Variants in TPO observed in about 807,000 individuals in gnomAD.
The protein encoded by TPO is thyroid microsomal antigen.
Under a neutral mutation model 96.9 loss-of-function variants are expected in TPO, and 78 were observed. The observed-to-expected ratio is 0.81, with a 90% confidence interval of 0.67 to 0.97. The LOEUF (loss-of-function observed/expected upper bound fraction) is 0.97, where lower values mean the gene tolerates loss of function less well. Among genes scored for constraint, TPO ranks in the 50% least tolerant of loss-of-function variants. The pLI is 0.00. For missense variants in TPO, 1,252 were observed against 1,274.8 expected, an observed-to-expected ratio of 0.98 and a Z score of 0.27; for synonymous variants, 547 against 538.0, an observed-to-expected ratio of 1.02 and a Z score of -0.23.
chr2:1,531,911 A>C (rs1205017179), intron 15 of TPO, among the ~76,000 whole-genome samples: 1 of 101,752 alleles, frequency 9.8e-6, no homozygotes. Context: ...AACCTCCTCA[A>C]ATCACCCCCA....
At chr2:1,514,642 T>C (rs1674498119) in intron 14 of TPO, among the ~76,000 whole-genome samples, 1 of 152,112 alleles carries the variant, frequency 6.6e-6, no homozygotes, top group Non-Finnish European at 1.5e-5. Flanking sequence ...GCCGTGACCT[T>C]TGTGATGCCC....
chr2:1,514,841 C>T (rs970409001), intron 14 of TPO, among the ~76,000 whole-genome samples: 8 of 152,202 alleles, frequency 5.3e-5, no homozygotes, highest in Admixed American at 2.0e-4. Flanking sequence ...TGCCCAGGCT[C>T]GTTTCACACT....
In TPO at chr2:1,477,500, C is replaced by G; in HGVS notation, c.1234C>G (p.Arg412Gly). 1 of 1,531,658 alleles carries G rather than the reference C, an allele frequency of 6.5e-7. No individual in the cohort carries two copies. The highest frequency in any genetic ancestry group is 8.7e-7 in the Non-Finnish European group (1 of 1,144,496). 94.9% of individuals were successfully genotyped at this position (1,531,658 alleles called of 1,614,324 possible). A position where few individuals can be genotyped will look rare whatever the true frequency, so the allele number is the denominator to read the frequency against. The change falls in exon 8 of 17, where the codon CGC becomes GGC. Residue 412 changes from arginine (R) to glycine (G), a missense_variant. Physicochemically the swap from Arg to Gly is moderately radical, Grantham distance 125. Coordinates refer to ENST00000329066, the MANE Select transcript of TPO (RefSeq NM_001206744.2). ...GACGGCACTGCACACGCTGTGGCTG[C>G]GCGAGCACAACCGCCTGGCCGCGGC... is the stretch of plus-strand genomic sequence containing the variant. The part of the protein sequence containing the change: ...SLTALHTLWL[R>G]EHNRLAAALK...
intron 8 of TPO, among the ~76,000 whole-genome samples, chr2:1,483,640 A>G (rs77825790): frequency 0.022 from 3,304 of 152,322 alleles, 107 homozygotes; most frequent in African/African-American, 0.075. Flanking sequence ...CCCATAGCAC[A>G]GTGCTTGGCA....
intron 1 of TPO, among the ~76,000 whole-genome samples, chr2:1,405,072 C>T (rs781085113): frequency 1.5e-4 from 18 of 121,164 alleles, no homozygotes; most frequent in Non-Finnish European, 3.0e-4. Flanking sequence ...GCATAGACAT[C>T]GAGTCATCCA....
At chr2:1,467,494 T>G (rs1669012555) in intron 7 of TPO, among the ~76,000 whole-genome samples, 1 of 152,222 alleles carries the variant, frequency 6.6e-6, no homozygotes, top group South Asian at 2.1e-4. Context: ...TTTGCATGAT[T>G]TTGAAGGTTC....
At chr2:1,539,861 C>T (rs1437796536) in intron 15 of TPO, among the ~76,000 whole-genome samples, 3 of 117,360 alleles carry the variant, frequency 2.6e-5, no homozygotes, top group Non-Finnish European at 4.9e-5. Context: ...TCCAGCAGCT[C>T]AGTATTTGGG....
chr2:1,378,758 C>T (rs1661760357), intron 1 of TPO, among the ~76,000 whole-genome samples: 1 of 152,192 alleles, frequency 6.6e-6, no homozygotes, highest in Non-Finnish European at 1.5e-5. Flanking sequence ...CTGTGTGCAC[C>T]TGGCGGGGGG....
chr2:1,413,543 A>C lies in TPO; in HGVS notation c.-4A>C. 4.3e-6 allele frequency: 2 copies of C among 469,664 alleles called. No individual in the cohort carries two copies. Among genetic ancestry groups the C allele is most frequent in the Non-Finnish European group, 5.6e-6 (2 of 358,646 alleles). The allele number at this position is 469,664 out of a possible 1,614,324, so 29.1% of individuals were successfully genotyped here. ...GTGCAGTTGGCTGAGAAGAGGAAAA[A>C]AGGTCAGGTTGTAAAGCTTTTTATT... On this transcript the variant is annotated splice_region_variant and 5_prime_UTR_variant, in exon 1 of 17. Coordinates refer to ENST00000329066, the MANE Select transcript of TPO (RefSeq NM_001206744.2).
intron 1 of TPO, among the ~76,000 whole-genome samples, chr2:1,383,646 C>A (rs565611801): frequency 6.6e-6 from 1 of 152,136 alleles, no homozygotes; most frequent in Non-Finnish European, 1.5e-5. Flanking sequence ...GAGTAGATTG[C>A]AAAAATTTTC....
upstream of TPO, among the ~76,000 whole-genome samples, chr2:1,412,870 C>T (rs1662499526): frequency 6.6e-6 from 1 of 151,590 alleles, no homozygotes. Flanking sequence ...TGGTGACCTT[C>T]CTACAGAACA....
At chr2:1,530,484 T>C (rs1426084843) in intron 15 of TPO, among the ~76,000 whole-genome samples, 3 of 101,846 alleles carry the variant, frequency 2.9e-5, no homozygotes, top group Non-Finnish European at 4.0e-5. Flanking sequence ...CATCCTCAAA[T>C]CCCCCTCACT....
chr2:1,498,422 T>C (rs1033598229), intron 13 of TPO, among the ~76,000 whole-genome samples: 1 of 152,208 alleles, frequency 6.6e-6, no homozygotes, highest in African/African-American at 2.4e-5. Context: ...CGGAAATAAC[T>C]TTCAAACTCA....
intron 1 of TPO, among the ~76,000 whole-genome samples, chr2:1,402,271 C>A (rs1027113478): frequency 6.6e-6 from 1 of 152,200 alleles, no homozygotes; most frequent in Non-Finnish European, 1.5e-5. Flanking sequence ...CTCCCTGACT[C>A]TGGGGGCAGA....
upstream of TPO, chr2:1,413,374 C>G (rs766768882): frequency 1.3e-5 from 2 of 152,104 alleles, no homozygotes; most frequent in East Asian, 3.9e-4. Context: ...TCTGTCCCCA[C>G]GAAGAACGGA....
At chr2:1,517,038 G>A in intron 15 of TPO, 56 bp downstream of exon 15, 1 of 1,565,922 alleles carries the variant, frequency 6.4e-7, no homozygotes, top group Middle Eastern at 1.7e-4. Flanking sequence ...CCTTTCCTCT[G>A]GACATGGCTG....
intron 3 of TPO, among the ~76,000 whole-genome samples, chr2:1,432,742 GGAGGCCTGCAGGTGAGGA>G (rs1160878387): frequency 9.2e-6 from 1 of 108,346 alleles, no homozygotes; most frequent in Non-Finnish European, 1.8e-5. Flanking sequence ...GCAGGTGAGG[GGAGGCCTGCAGGTGAGGA>G]GAGGCCTGCA....
chr2:1,452,260 G>A (rs1033433906), intron 5 of TPO, among the ~76,000 whole-genome samples: 1 of 152,188 alleles, frequency 6.6e-6, no homozygotes, highest in Non-Finnish European at 1.5e-5. Context: ...ATTATGCATA[G>A]AGATAAATAT....
At chr2:1,454,241 T>C (rs1667577369) in intron 6 of TPO, among the ~76,000 whole-genome samples, 1 of 152,234 alleles carries the variant, frequency 6.6e-6, no homozygotes, top group Non-Finnish European at 1.5e-5. Flanking sequence ...CATAGCCTAG[T>C]AGAATCTACT....
Sources: allele counts gnomAD v4.1 joint callset (sites outside exome capture counted in the v4.1 genomes callset), GRCh38; gene constraint gnomAD v4.1.1; transcripts MANE v1.5; gene names NCBI Gene and HGNC (gene_info 2026-07-23, HGNC 2026-07-21).